PLA2G12A: variants seen among roughly 807,000 people sequenced by gnomAD.
PLA2G12A encodes the protein phospholipase A2 group XIIA, also known as group XIIA secretory phospholipase A2.
PLA2G12A carries 11 observed loss-of-function variants against 16.0 expected under a neutral mutation model. The observed-to-expected ratio is 0.69, with a 90% CI of 0.43 to 1.13. The LOEUF (loss-of-function observed/expected upper bound fraction) is 1.13, where lower values mean the gene tolerates loss of function less well. Ranked by LOEUF, PLA2G12A falls within the 50% of genes most tolerant of loss-of-function variation. PLA2G12A has a pLI of 0.00. For missense variants in PLA2G12A, 214 were observed against 237.3 expected, an observed-to-expected ratio of 0.90 and a Z score of 0.65; for synonymous variants, 77 against 93.8, an observed-to-expected ratio of 0.82 and a Z score of 1.03.
At chr4:109,714,796 G>A (rs2126166214) in intron 3 of PLA2G12A, among the ~76,000 whole-genome samples, 1 of 146,518 alleles carries the variant, frequency 6.8e-6, no homozygotes, top group African/African-American at 2.5e-5. Flanking sequence ...GTGTCATGGT[G>A]CAGTCATAGC....
chr4:109,728,332 A>T (rs184856594), intron 1 of PLA2G12A, among the ~76,000 whole-genome samples: 2 of 152,370 alleles, frequency 1.3e-5, no homozygotes, highest in East Asian at 3.9e-4. Flanking sequence ...ATCTCAAATT[A>T]GAACAACATC....
chr4:109,711,594 T>C lies in PLA2G12A; in HGVS notation c.*2783A>G, dbSNP rs903852737. 3.3e-5 allele frequency: 5 copies of C among 152,150 alleles called. No individual in the cohort carries two copies. Among genetic ancestry groups the C allele is most frequent in the African/African-American group, 1.2e-4 (5 of 41,434 alleles). The allele number at this position is 152,150 out of a possible 1,614,324, so 9.4% of individuals were successfully genotyped here. ...AAAATACAAAATATACATGAGTCCA[T>C]ACTGATGTAAACAAATTAGGGTGGG... On this transcript the variant is annotated 3_prime_UTR_variant, in exon 4 of 4. Transcript: ENST00000243501.
intron 2 of PLA2G12A, 78 bp downstream of exon 2, chr4:109,718,605 T>C: frequency 9.1e-7 from 1 of 1,094,534 alleles, no homozygotes; most frequent in Non-Finnish European, 1.3e-6. Context: ...TCTAAGAACA[T>C]GCTGATAGTC....
At chr4:109,720,044 T>C (rs1730895479) in intron 1 of PLA2G12A, among the ~76,000 whole-genome samples, 1 of 152,212 alleles carries the variant, frequency 6.6e-6, no homozygotes, top group Non-Finnish European at 1.5e-5. Flanking sequence ...CCCTCCTACA[T>C]CAAGAAATAA....
chr4:109,718,531 T>C (rs1241526070), intron 2 of PLA2G12A, 152 bp downstream of exon 2: 2 of 588,022 alleles, frequency 3.4e-6, no homozygotes, highest in Non-Finnish European at 5.9e-6. Flanking sequence ...TTACTTTTGT[T>C]AGTTTTGCCA....
intron 1 of PLA2G12A, among the ~76,000 whole-genome samples, chr4:109,720,723 A>G (rs1730924670): frequency 6.6e-6 from 1 of 150,498 alleles, no homozygotes; most frequent in Non-Finnish European, 1.5e-5. Flanking sequence ...ATGCTCAACT[A>G]AGGTCACCAT....
At position 109,711,053 on chromosome 4, in the gene PLA2G12A, C is replaced by CTTTTT. The variant is rs67674001; in HGVS notation, c.*3319_*3323dup. The CTTTTT allele has an allele frequency of 2.4e-4, 14 of 57,222 alleles. No individual in the cohort carries two copies. Among genetic ancestry groups the CTTTTT allele is most frequent in the Admixed American group, 4.0e-4 (2 of 5,046 alleles). 3.5% of individuals were successfully genotyped at this position (57,222 alleles called of 1,614,324 possible). On this transcript the variant is annotated 3_prime_UTR_variant, in exon 4 of 4. Transcript: ENST00000243501. ...AGAGCTGCTGACAGTTAGTTCTTGC[C>CTTTTT]TTTTTTTTTTTTTTTTTTTTTTTGC...
At chr4:109,718,549 T>C in intron 2 of PLA2G12A, 134 bp downstream of exon 2, 1 of 636,342 alleles carries the variant, frequency 1.6e-6, no homozygotes, top group Admixed American at 3.7e-5. Context: ...CCAAAAAGAA[T>C]CTAATAAACC....
chr4:109,713,996 A>G lies in PLA2G12A; in HGVS notation c.*381T>C, dbSNP rs1284345338. 1.2e-5 allele frequency: 2 copies of G among 166,414 alleles called. No individual in the cohort carries two copies. The allele number at this position is 166,414 out of a possible 1,614,324, so 10.3% of individuals were successfully genotyped here. ...ATAATTTCCCCATTTTCCAAATAAGATAATGTTGAACAGACATTATGATGA... is the reference window on the plus strand; with the variant it reads ...ATAATTTCCCCATTTTCCAAATAAGGTAATGTTGAACAGACATTATGATGA... On this transcript the variant is annotated 3_prime_UTR_variant, in exon 4 of 4. Transcript: ENST00000243501.
At chr4:109,718,652 C>T in intron 2 of PLA2G12A, 31 bp downstream of exon 2, 1 of 1,495,734 alleles carries the variant, frequency 6.7e-7, no homozygotes, top group Non-Finnish European at 9.2e-7. Flanking sequence ...TTACCAGTTA[C>T]AAAACTTATC....
intron 1 of PLA2G12A, among the ~76,000 whole-genome samples, chr4:109,727,138 G>A (rs928292281): frequency 1.3e-5 from 2 of 151,156 alleles, no homozygotes; most frequent in Non-Finnish European, 1.5e-5. Context: ...TTATTTTTGA[G>A]ACAGAGTCTT....
intron 1 of PLA2G12A, among the ~76,000 whole-genome samples, chr4:109,723,302 C>CT (rs140043701): frequency 0.011 from 1,743 of 152,004 alleles, 30 homozygotes; most frequent in African/African-American, 0.04. Flanking sequence ...AATTTTGAGT[C>CT]TAAATATAAG....
At chr4:109,719,056 C>A (rs1730875420) in intron 1 of PLA2G12A, among the ~76,000 whole-genome samples, 1 of 152,120 alleles carries the variant, frequency 6.6e-6, no homozygotes. Context: ...AAAGCTTATC[C>A]TGGACTTCTG....
At chr4:109,723,471 G>T (rs1010357603) in intron 1 of PLA2G12A, among the ~76,000 whole-genome samples, 3 of 152,172 alleles carry the variant, frequency 2.0e-5, no homozygotes, top group Non-Finnish European at 2.9e-5. Flanking sequence ...CACTACAGAT[G>T]AGTCCTCTCT....
At chr4:109,727,443 A>C (rs1722962163) in intron 1 of PLA2G12A, among the ~76,000 whole-genome samples, 1 of 152,032 alleles carries the variant, frequency 6.6e-6, no homozygotes, top group Non-Finnish European at 1.5e-5. Context: ...CCAATTATCT[A>C]TCAGTATGGT....
rs114948740 is a variant in PLA2G12A, at chr4:109,713,912, G to A, written c.*465C>T. 129 of 154,632 alleles carry A rather than the reference G, an allele frequency of 8.3e-4. No homozygotes were observed. The highest frequency in any genetic ancestry group is 1.6e-3 in the Non-Finnish European group (112 of 69,560). 9.6% of individuals were successfully genotyped at this position (154,632 alleles called of 1,614,324 possible). On this transcript the variant is annotated 3_prime_UTR_variant, in exon 4 of 4. Coordinates refer to ENST00000243501, the MANE Select transcript of PLA2G12A (RefSeq NM_030821.5). ...TAATTAAAATAGAAAAAAAAAGTCC[G>A]TTCCTTCTAGGCATAAATGTGTATT... is the stretch of plus-strand genomic sequence containing the variant.
In PLA2G12A at chr4:109,726,223, C is replaced by T. The variant is rs1373239787; in HGVS notation, c.208+3379G>A. Among the ~76,000 whole-genome samples the T allele has an allele frequency of 2.0e-5, 3 of 152,176 alleles. No individual in the cohort carries two copies. The East Asian group carries it at 5.8e-4, about 29-fold the overall frequency. ...CTATGACTCCAATAATTCTCTCCCT[C>T]GTCAGTATTTCTACTCTCCACTGAA... is the stretch of plus-strand genomic sequence containing the variant. On this transcript the variant is annotated intron_variant, in intron 1 of 3. Coordinates refer to ENST00000243501, the MANE Select transcript of PLA2G12A (RefSeq NM_030821.5).
At chr4:109,724,402 G>A (rs571970272) in intron 1 of PLA2G12A, among the ~76,000 whole-genome samples, 3 of 152,052 alleles carry the variant, frequency 2.0e-5, no homozygotes, top group Admixed American at 6.5e-5. Flanking sequence ...GATTACAAGC[G>A]TGAGCCATCG....
intron 3 of PLA2G12A, 72 bp downstream of exon 3, chr4:109,717,476 A>G: frequency 6.9e-7 from 1 of 1,447,588 alleles, no homozygotes; most frequent in Non-Finnish European, 9.5e-7. Flanking sequence ...GGTAAATCCT[A>G]TACTAAAACA....
Sources: allele counts gnomAD v4.1 joint callset (sites outside exome capture counted in the v4.1 genomes callset), GRCh38; gene constraint gnomAD v4.1.1; transcripts MANE v1.5; gene names NCBI Gene and HGNC (gene_info 2026-07-23, HGNC 2026-07-21).